ZNF521: variants seen among roughly 807,000 people sequenced by gnomAD.
The protein encoded by ZNF521 is zinc finger protein 521.
ZNF521 carries 14 observed loss-of-function variants against 105.5 expected under a neutral mutation model. The ratio of observed to expected loss-of-function variants is 0.13; its 90% CI spans 0.09 to 0.21. ZNF521 has a LOEUF of 0.21. Ranked by LOEUF, ZNF521 falls within the 10% of genes least tolerant of loss-of-function variation. The pLI is 1.00. For missense variants in ZNF521, 1,233 were observed against 1,629.7 expected (o/e 0.76, Z 4.19); for synonymous variants, 635 against 606.0 (o/e 1.05, Z -0.70).
Position 25,350,852 on chromosome 18 carries a change from C to A in ZNF521, c.40+55G>T. 2.0e-6 allele frequency: 3 copies of A among 1,534,226 alleles called. No individual in the cohort carries two copies. In the South Asian group the frequency reaches 3.6e-5, roughly 18 times the overall value. ...CAGCCACGCAGCCCTCGCTCCGCTACCCACAGTGACACTCGCGGATGGGGG... is the reference window on the plus strand; with the variant it reads ...CAGCCACGCAGCCCTCGCTCCGCTAACCACAGTGACACTCGCGGATGGGGG... On this transcript the variant is annotated intron_variant, in intron 2 of 7. Transcript: ENST00000361524.
At chr18:25,214,442 G>T (rs574991018) in intron 4 of ZNF521, among the ~76,000 whole-genome samples, 42 of 151,990 alleles carry the variant, frequency 2.8e-4, no homozygotes, top group Non-Finnish European at 5.6e-4. Context: ...TGGCCTCCTT[G>T]TTGTTCATTG....
intron 3 of ZNF521, among the ~76,000 whole-genome samples, chr18:25,238,564 A>T (rs1419095453): frequency 6.6e-6 from 1 of 152,234 alleles, no homozygotes; most frequent in Non-Finnish European, 1.5e-5. Flanking sequence ...ACACAGTCAA[A>T]CTGGCACTGT....
chr18:25,145,606 A>G (rs2034928112), intron 5 of ZNF521, among the ~76,000 whole-genome samples: 1 of 152,182 alleles, frequency 6.6e-6, no homozygotes, highest in Admixed American at 6.6e-5. Context: ...CTGAGCACGA[A>G]TGACCCGAGT....
At chr18:25,328,845 C>T (rs962248394) in intron 2 of ZNF521, among the ~76,000 whole-genome samples, 3 of 152,216 alleles carry the variant, frequency 2.0e-5, no homozygotes, top group Non-Finnish European at 4.4e-5. Flanking sequence ...AGCCATCGCG[C>T]TGGCCTATTC....
intron 5 of ZNF521, among the ~76,000 whole-genome samples, chr18:25,129,766 T>C (rs1352064489): frequency 6.6e-6 from 1 of 151,578 alleles, no homozygotes. Context: ...TAGTGAATTG[T>C]GAACAAAAAT....
chr18:25,104,066 G>T (rs565572478), intron 5 of ZNF521, among the ~76,000 whole-genome samples: 12 of 151,926 alleles, frequency 7.9e-5, no homozygotes, highest in Non-Finnish European at 1.6e-4. Flanking sequence ...CTCTTTCTCC[G>T]ATGATAATTC....
chr18:25,080,846 G>A (rs903991781), intron 7 of ZNF521, among the ~76,000 whole-genome samples: 2 of 152,178 alleles, frequency 1.3e-5, no homozygotes, highest in Admixed American at 6.5e-5. Context: ...ATCCATGTGT[G>A]GTGCAAACAT....
intron 4 of ZNF521, among the ~76,000 whole-genome samples, chr18:25,212,538 AATATAT>A (rs1279194731): frequency 1.3e-3 from 62 of 48,140 alleles, no homozygotes; most frequent in African/African-American, 6.0e-3. Context: ...AAAAAAAAAA[AATATAT>A]ATATATATAT....
chr18:25,127,494 A>C (rs949983641), intron 5 of ZNF521, among the ~76,000 whole-genome samples: 1 of 152,098 alleles, frequency 6.6e-6, no homozygotes. Flanking sequence ...TCGTTAAAAA[A>C]GGAAACTGAG....
chr18:25,118,684 A>C (rs2034375668), intron 5 of ZNF521, among the ~76,000 whole-genome samples: 1 of 152,072 alleles, frequency 6.6e-6, no homozygotes, highest in African/African-American at 2.4e-5. Flanking sequence ...TGGAATTATA[A>C]AAACGATTCA....
chr18:25,203,834 T>C (rs1267768415), intron 4 of ZNF521, among the ~76,000 whole-genome samples: 1 of 152,234 alleles, frequency 6.6e-6, no homozygotes, highest in Non-Finnish European at 1.5e-5. Flanking sequence ...ATGAAGTATA[T>C]TTATTGATAC....
At chr18:25,249,663 T>C (rs1350893528) in intron 3 of ZNF521, among the ~76,000 whole-genome samples, 1 of 152,116 alleles carries the variant, frequency 6.6e-6, no homozygotes, top group Non-Finnish European at 1.5e-5. Flanking sequence ...GGTTTTGCCA[T>C]GTTGGCCAGG....
At chr18:25,212,530 A>AAAAAAG (rs1705281939) in intron 4 of ZNF521, among the ~76,000 whole-genome samples, 8 of 109,778 alleles carry the variant, frequency 7.3e-5, no homozygotes, top group African/African-American at 3.1e-4. Context: ...AAAAAAAAAA[A>AAAAAAG]AAAAAAAAAT....
At chr18:25,124,512 AG>A (rs1247738925) in intron 5 of ZNF521, among the ~76,000 whole-genome samples, 1 of 152,174 alleles carries the variant, frequency 6.6e-6, no homozygotes, top group African/African-American at 2.4e-5. Context: ...TGTAAATATA[AG>A]CTAATTTCAG....
intron 3 of ZNF521, among the ~76,000 whole-genome samples, chr18:25,246,090 G>C (rs566245106): frequency 5.9e-5 from 9 of 152,214 alleles, no homozygotes; most frequent in African/African-American, 1.7e-4. Context: ...GTGGGAGGAG[G>C]GGGGAGGGAT....
At chr18:25,086,996 A>G (rs9965149) in intron 7 of ZNF521, among the ~76,000 whole-genome samples, 2,434 of 152,208 alleles carry the variant, frequency 0.016, 77 homozygotes, top group African/African-American at 0.055. Flanking sequence ...TGCCCTTTAT[A>G]CTCTCATTAT....
At chr18:25,347,033 C>T (rs1914492890) in intron 2 of ZNF521, among the ~76,000 whole-genome samples, 1 of 152,000 alleles carries the variant, frequency 6.6e-6, no homozygotes, top group African/African-American at 2.4e-5. Flanking sequence ...GGTAAAATGG[C>T]CGAGAAACTT....
chr18:25,233,970 G>A (rs1906708378), intron 3 of ZNF521, among the ~76,000 whole-genome samples: 1 of 152,142 alleles, frequency 6.6e-6, no homozygotes, highest in East Asian at 1.9e-4. Flanking sequence ...TTCTTAAGCA[G>A]TTCACACTTA....
chr18:25,074,845 C>A (rs1471638417), intron 7 of ZNF521, among the ~76,000 whole-genome samples: 1 of 152,106 alleles, frequency 6.6e-6, no homozygotes, highest in South Asian at 2.1e-4. Flanking sequence ...GTGCACAGAG[C>A]TACTGGAAAG....
Sources: gnomAD v4.1 joint callset for allele counts (sites outside exome capture counted in the v4.1 genomes callset) on GRCh38, gnomAD v4.1.1 for gene constraint, MANE v1.5 for transcripts, NCBI Gene and HGNC (gene_info 2026-07-23, HGNC 2026-07-21) for gene names.